The following CYP2C19 variants were observed in gnomAD, a reference collection of about 807,000 sequenced individuals.
The protein encoded by CYP2C19 is cytochrome P450 2C19.
A neutral mutation model predicts 40.9 loss-of-function variants in CYP2C19; 59 were observed. That is an observed-to-expected ratio of 1.44 (90% CI 1.17 to 1.79). The LOEUF (loss-of-function observed/expected upper bound fraction) is 1.79, where lower values mean the gene tolerates loss of function less well. Among genes scored for constraint, CYP2C19 ranks in the 40% most tolerant of loss-of-function variants. The pLI, the probability that CYP2C19 is intolerant of heterozygous loss-of-function variation, is 0.00. For missense variants in CYP2C19, 754 were observed against 596.9 expected, an observed-to-expected ratio of 1.26 and a Z score of -2.74; for synonymous variants, 253 against 208.7, an observed-to-expected ratio of 1.21 and a Z score of -1.83.
At chr10:94,805,188 C>T (rs1848816673) in intron 5 of CYP2C19, among the ~76,000 whole-genome samples, 1 of 151,716 alleles carries the variant, frequency 6.6e-6, no homozygotes, top group African/African-American at 2.4e-5. Context: ...TATGCCTTAG[C>T]TTTGCAGTTT....
At chr10:94,849,207 GAGC>G (rs1849615693) in intron 7 of CYP2C19, among the ~76,000 whole-genome samples, 1 of 152,134 alleles carries the variant, frequency 6.6e-6, no homozygotes, top group Non-Finnish European at 1.5e-5. Flanking sequence ...TGATGAAATA[GAGC>G]AGCAGGAGTG....
At chr10:94,795,017 T>A (rs1023864545) in intron 5 of CYP2C19, among the ~76,000 whole-genome samples, 9 of 151,892 alleles carry the variant, frequency 5.9e-5, no homozygotes, top group Admixed American at 2.0e-4. Context: ...ATATATATAT[T>A]TTTATACTTT....
At chr10:94,831,122 T>C (rs994794631) in intron 6 of CYP2C19, among the ~76,000 whole-genome samples, 3 of 152,344 alleles carry the variant, frequency 2.0e-5, no homozygotes, top group Admixed American at 6.5e-5. Flanking sequence ...AGTGAGAACA[T>C]GCTATGTTTG....
chr10:94,795,832 C>T lies in CYP2C19; in HGVS notation c.819+13835C>T, dbSNP rs11498523. On this transcript the variant is annotated intron_variant, in intron 5 of 8. Transcript: ENST00000371321. ...GAGAAGTGTCTGTTCATATCCTTCA[C>T]CCACACTTTGATGGGGTTTTTTTTC... Among the ~76,000 whole-genome samples the T allele has an allele frequency of 3.1e-3, 474 of 151,650 alleles. 3 individuals are homozygous for T. The highest frequency in any genetic ancestry group is 0.011 in the African/African-American group (451 of 41,306).
intron 6 of CYP2C19, among the ~76,000 whole-genome samples, chr10:94,822,572 T>TG (rs759746449): frequency 7.2e-5 from 11 of 152,186 alleles, no homozygotes; most frequent in Admixed American, 6.5e-5. Flanking sequence ...TGAATTTTTT[T>TG]GGGGGGGCAT....
chr10:94,832,454 A>C (rs1307337124), intron 6 of CYP2C19, among the ~76,000 whole-genome samples: 1 of 152,164 alleles, frequency 6.6e-6, no homozygotes, highest in Non-Finnish European at 1.5e-5. Context: ...CCCATGTTTC[A>C]ATTATCCCCA....
intron 1 of CYP2C19, among the ~76,000 whole-genome samples, chr10:94,763,923 C>A (rs1848207402): frequency 6.6e-6 from 1 of 152,080 alleles, no homozygotes; most frequent in Admixed American, 6.6e-5. Flanking sequence ...GGAGTTTCTT[C>A]CTTCTGCTGG....
intron 5 of CYP2C19, among the ~76,000 whole-genome samples, chr10:94,796,300 A>G (rs1848685635): frequency 1.3e-5 from 2 of 152,096 alleles, no homozygotes; most frequent in South Asian, 4.1e-4. Flanking sequence ...CAAAGATCAG[A>G]TAGTTGTAGA....
At chr10:94,840,860 C>G (rs1430617552) in intron 6 of CYP2C19, among the ~76,000 whole-genome samples, 1 of 152,176 alleles carries the variant, frequency 6.6e-6, no homozygotes, top group Non-Finnish European at 1.5e-5. Flanking sequence ...ACACCTGAGT[C>G]TTCAGTCTGG....
At chr10:94,816,295 A>G (rs867867866) in intron 5 of CYP2C19, among the ~76,000 whole-genome samples, 26 of 147,906 alleles carry the variant, frequency 1.8e-4, no homozygotes, top group Admixed American at 1.7e-3. Context: ...TTATGGCATA[A>G]GTGGGATTTT....
At chr10:94,780,079 T>G (rs1317546855) in intron 3 of CYP2C19, among the ~76,000 whole-genome samples, 3 of 152,180 alleles carry the variant, frequency 2.0e-5, no homozygotes, top group African/African-American at 7.2e-5. Flanking sequence ...TACATGATTC[T>G]TTGAGCTATT....
chr10:94,773,241 C>G (rs1031171970), intron 1 of CYP2C19, among the ~76,000 whole-genome samples: 3 of 152,144 alleles, frequency 2.0e-5, no homozygotes, highest in Non-Finnish European at 4.4e-5. Flanking sequence ...AGAATTGGTT[C>G]CTTCCGGTGG....
intron 5 of CYP2C19, among the ~76,000 whole-genome samples, chr10:94,814,612 G>T (rs113459833): frequency 6.6e-6 from 1 of 151,744 alleles, no homozygotes; most frequent in African/African-American, 2.4e-5. Context: ...CTAGGTTGTA[G>T]AAGTTTGCAG....
chr10:94,851,063 A>C (rs1467673173), intron 8 of CYP2C19, among the ~76,000 whole-genome samples: 3 of 152,178 alleles, frequency 2.0e-5, no homozygotes, highest in Admixed American at 2.0e-4. Context: ...CACATGTATC[A>C]GTCCATTCTT....
chr10:94,809,392 T>C lies in CYP2C19; in HGVS notation c.820-11104T>C, dbSNP rs988157061. 2.0e-5 allele frequency among the ~76,000 whole-genome samples: 3 copies of C among 152,192 alleles called. No individual in the cohort carries two copies. The South Asian group carries it at 6.2e-4, about 32-fold the overall frequency. The stretch of plus-strand genomic sequence containing the variant: ...TTCTTCCTATCTGTGGGTTATCTTT[T>C]CACTTTATTGATTGTGTCCTTTGCT... On this transcript the variant is annotated intron_variant, in intron 5 of 8. Coordinates refer to ENST00000371321, the MANE Select transcript of CYP2C19 (RefSeq NM_000769.4).
At chr10:94,779,295 A>T (rs1014662178) in intron 3 of CYP2C19, among the ~76,000 whole-genome samples, 6 of 152,150 alleles carry the variant, frequency 3.9e-5, no homozygotes, top group Admixed American at 2.0e-4. Flanking sequence ...AAAATTAAAA[A>T]ATATAAAGTT....
chr10:94,832,945 C>T (rs770111787), intron 6 of CYP2C19, among the ~76,000 whole-genome samples: 7 of 152,016 alleles, frequency 4.6e-5, no homozygotes, highest in Non-Finnish European at 7.4e-5. Context: ...TTCCTCAGTG[C>T]TTTATAGTTT....
chr10:94,793,794 C>T (rs1423172903), intron 5 of CYP2C19, among the ~76,000 whole-genome samples: 1 of 152,122 alleles, frequency 6.6e-6, no homozygotes, highest in Non-Finnish European at 1.5e-5. Flanking sequence ...CCCAGTTAGG[C>T]TACTCGGGAG....
At chr10:94,791,905 A>AAG (rs1848610106) in intron 5 of CYP2C19, among the ~76,000 whole-genome samples, 1 of 152,120 alleles carries the variant, frequency 6.6e-6, no homozygotes, top group African/African-American at 2.4e-5. Flanking sequence ...AGCTGAGTTC[A>AAG]ATTCCTGGAT....
Sources: gnomAD v4.1 joint callset for allele counts (sites outside exome capture counted in the v4.1 genomes callset) on GRCh38, gnomAD v4.1.1 for gene constraint, MANE v1.5 for transcripts, NCBI Gene and HGNC (gene_info 2026-07-23, HGNC 2026-07-21) for gene names.